The following DYNC2I1 variants were observed in gnomAD, a reference collection of about 807,000 sequenced individuals.
DYNC2I1 encodes dynein 2 intermediate chain 1.
Under a neutral mutation model 133.4 loss-of-function variants are expected in DYNC2I1, and 89 were observed. The observed-to-expected ratio is 0.67, with a 90% CI of 0.56 to 0.80. DYNC2I1 has a LOEUF of 0.80. DYNC2I1 is among the 30% of genes least tolerant of loss of function. DYNC2I1 has a pLI of 0.00. For synonymous variants in DYNC2I1, 504 were observed against 484.3 expected, an observed-to-expected ratio of 1.04 and a Z score of -0.54; for missense variants, 1,291 against 1,314.5, an observed-to-expected ratio of 0.98 and a Z score of 0.28.
rs1000641467 is a variant in DYNC2I1, at chr7:158,945,932, C to T, written c.*153C>T. Reference sequence around the variant, plus strand: ...TTTACATGAATATGTCTTTGGTATTCCCAGTAAATAGATGACTACTTTTGA... The same window carrying T: ...TTTACATGAATATGTCTTTGGTATTTCCAGTAAATAGATGACTACTTTTGA... On this transcript the variant is annotated 3_prime_UTR_variant, in exon 25 of 25. Transcript: ENST00000407559. This position sits in a 1 kb window ranked among gnomAD's most constrained non-coding sequence, Gnocchi z 4.1. 1.3e-5 allele frequency: 10 copies of T among 747,864 alleles called. No homozygotes were observed. Among genetic ancestry groups the T allele is most frequent in the Non-Finnish European group, 1.7e-5 (9 of 526,968 alleles). 46.3% of individuals were successfully genotyped at this position (747,864 alleles called of 1,614,324 possible). A position where few individuals can be genotyped will look rare whatever the true frequency, so the allele number is the denominator to read the frequency against.
chr7:158,864,150 G>A (rs978229902), intron 1 of DYNC2I1, among the ~76,000 whole-genome samples: 1 of 151,978 alleles, frequency 6.6e-6, no homozygotes, highest in African/African-American at 2.4e-5. Context: ...CTTAGCTCTG[G>A]GTGTGGCGGG....
At chr7:158,894,112 T>TGCATATCATACCGCATATCCTACC (rs1554455751) in intron 8 of DYNC2I1, among the ~76,000 whole-genome samples, 5 of 48,632 alleles carry the variant, frequency 1.0e-4, no homozygotes, top group Non-Finnish European at 2.9e-4. Context: ...CATATCCTAC[T>TGCATATCATACCGCATATCCTACC]GCATATCCTA....
At chr7:158,874,267 G>C (rs1235208062) in intron 3 of DYNC2I1, among the ~76,000 whole-genome samples, 1 of 151,054 alleles carries the variant, frequency 6.6e-6, no homozygotes, top group East Asian at 2.0e-4. Context: ...GAGTGCAGTG[G>C]TGTGATCTTG....
At chr7:158,935,118 G>A (rs1850619355) in intron 23 of DYNC2I1, among the ~76,000 whole-genome samples, 1 of 152,220 alleles carries the variant, frequency 6.6e-6, no homozygotes, top group Non-Finnish European at 1.5e-5. Flanking sequence ...TTTTGCCTGT[G>A]TTCTTTTACT....
intron 4 of DYNC2I1, among the ~76,000 whole-genome samples, chr7:158,952,503 G>A (rs2129490366): frequency 6.6e-6 from 1 of 152,288 alleles, no homozygotes; most frequent in East Asian, 1.9e-4. Flanking sequence ...TGCTCTTTAA[G>A]GAGGTGGTTT....
At chr7:158,928,089 C>T (rs1436273237) in intron 20 of DYNC2I1, among the ~76,000 whole-genome samples, 1 of 152,184 alleles carries the variant, frequency 6.6e-6, no homozygotes, top group East Asian at 1.9e-4. Context: ...GACTGGATCC[C>T]AGGGTGGCAA....
chr7:158,855,308 C>A (rs944646607), upstream of DYNC2I1, among the ~76,000 whole-genome samples: 3 of 152,116 alleles, frequency 2.0e-5, no homozygotes, highest in East Asian at 5.8e-4. Context: ...GTCTTCTTGC[C>A]CTTATCAGTT....
intron 10 of DYNC2I1, chr7:158,904,980 G>A (rs543098274): frequency 1.4e-5 from 4 of 282,902 alleles, no homozygotes; most frequent in South Asian, 6.4e-5. Context: ...ATGAAAAGAC[G>A]ATAAGATGCA....
At chr7:158,839,259 G>C in the DYNC2I1 span, among the ~76,000 whole-genome samples, 1 of 139,184 alleles carries the variant, frequency 7.2e-6, no homozygotes, top group African/African-American at 3.0e-5. Flanking sequence ...AACCTAAAGA[G>C]GATGCTAATA....
At chr7:158,926,540 A>G (rs555296851) in intron 19 of DYNC2I1, 77 bp downstream of exon 19, 2 of 1,480,786 alleles carry the variant, frequency 1.4e-6, no homozygotes, top group Non-Finnish European at 1.9e-6. Flanking sequence ...TGAATGGCGC[A>G]GGGGGCGGGA....
intron 4 of DYNC2I1, among the ~76,000 whole-genome samples, chr7:158,955,607 C>A (rs1481839633): frequency 6.6e-6 from 1 of 152,208 alleles, no homozygotes; most frequent in African/African-American, 2.4e-5. Flanking sequence ...CGGAGACACC[C>A]AGCGCTAACA....
At chr7:158,927,444 A>G (rs1036519833) in intron 20 of DYNC2I1, among the ~76,000 whole-genome samples, 1 of 152,172 alleles carries the variant, frequency 6.6e-6, no homozygotes, top group African/African-American at 2.4e-5. Context: ...CTGCTTTGAA[A>G]AATATAAATT....
At chr7:158,891,789 T>TA (rs1305325767) in intron 8 of DYNC2I1, among the ~76,000 whole-genome samples, 1 of 152,244 alleles carries the variant, frequency 6.6e-6, no homozygotes, top group Non-Finnish European at 1.5e-5. Flanking sequence ...TACACAAAGT[T>TA]ATAAATAATT....
chr7:158,945,687 A>G lies in DYNC2I1; in HGVS notation c.3109A>G (p.Arg1037Gly), dbSNP rs1182230747. The G allele has an allele frequency of 6.2e-7, 1 of 1,612,624 alleles. No individual in the cohort carries two copies. The highest frequency in any genetic ancestry group is 8.5e-7 in the Non-Finnish European group (1 of 1,179,422). ...SGSIDIQHLK[R>G]RWAAPEVDEC... The stretch of plus-strand genomic sequence containing the variant: ...CTCCATCGACATCCAGCACCTGAAG[A>G]GGCGGTGGGCGGCCCCGGAGGTGGA... Residue 1037 changes from arginine (R) to glycine (G), a missense_variant, in exon 25 of 25, where the codon AGG becomes GGG. Transcript: ENST00000407559. This position sits in a 1 kb window ranked among gnomAD's most constrained non-coding sequence, Gnocchi z 4.1.
chr7:158,882,915 G>A (rs990190508), intron 5 of DYNC2I1, among the ~76,000 whole-genome samples: 2 of 150,454 alleles, frequency 1.3e-5, no homozygotes, highest in African/African-American at 4.9e-5. Context: ...ACAGATACAC[G>A]ATACAATATC....
At chr7:158,902,274 T>C in intron 9 of DYNC2I1, 102 bp from the exon 10 acceptor site, 1 of 924,302 alleles carries the variant, frequency 1.1e-6, no homozygotes, top group African/African-American at 1.7e-5. Flanking sequence ...AATAAGGACA[T>C]TGTCTGTTTT....
At chr7:158,868,581 C>T (rs1414988556) in intron 1 of DYNC2I1, among the ~76,000 whole-genome samples, 1 of 152,188 alleles carries the variant, frequency 6.6e-6, no homozygotes, top group African/African-American at 2.4e-5. Context: ...TCGGTGTGTG[C>T]GAGGAGCTTG....
intron 3 of DYNC2I1, among the ~76,000 whole-genome samples, chr7:158,872,374 T>C (rs1199691217): frequency 6.6e-6 from 1 of 152,234 alleles, no homozygotes; most frequent in African/African-American, 2.4e-5. Flanking sequence ...GGCTCACGCC[T>C]GTAATCCCAG....
At chr7:158,853,964 T>C (rs977972267), upstream of DYNC2I1, among the ~76,000 whole-genome samples, 2 of 151,648 alleles carry the variant, frequency 1.3e-5, no homozygotes, top group African/African-American at 4.9e-5. Flanking sequence ...AGTTTTATTA[T>C]TGCTCAAATC....
Sources: gnomAD v4.1 joint callset for allele counts (sites outside exome capture counted in the v4.1 genomes callset) on GRCh38, gnomAD v4.1.1 for gene constraint, Gnocchi (gnomAD v3.1) non-coding constraint, MANE v1.5 for transcripts, NCBI Gene and HGNC (gene_info 2026-07-23, HGNC 2026-07-21) for gene names.